Variants in FBN2 observed in about 807,000 individuals in gnomAD.
The protein encoded by FBN2 is fibrillin-2.
In FBN2, 105 loss-of-function variants were observed where a neutral mutation model predicts 355.6. That is an observed-to-expected ratio of 0.30 (90% confidence interval 0.25 to 0.35). FBN2 has a LOEUF of 0.35. FBN2 is among the 10% of genes least tolerant of loss of function. FBN2 has a pLI of 1.00. For missense variants in FBN2, 3,280 were observed against 3,758.7 expected (o/e 0.87, Z 3.33); for synonymous variants, 1,350 against 1,301.2 (o/e 1.04, Z -0.81).
At chr5:128,351,879 T>C (rs1751377855) in intron 20 of FBN2, among the ~76,000 whole-genome samples, 1 of 151,916 alleles carries the variant, frequency 6.6e-6, no homozygotes, top group African/African-American at 2.4e-5. Flanking sequence ...CTTTTTTTTT[T>C]TCTTTTAACA....
At chr5:128,294,117 T>C (rs1008665485) in intron 48 of FBN2, among the ~76,000 whole-genome samples, 1 of 152,170 alleles carries the variant, frequency 6.6e-6, no homozygotes, top group Non-Finnish European at 1.5e-5. Context: ...GATAGTTTAC[T>C]GAGAATGATG....
chr5:128,525,003 C>T (rs1273905647), intron 4 of FBN2, among the ~76,000 whole-genome samples: 1 of 152,136 alleles, frequency 6.6e-6, no homozygotes, highest in Non-Finnish European at 1.5e-5. Flanking sequence ...AAGTCCTTTC[C>T]ATCCCCTGCC....
intron 2 of FBN2, among the ~76,000 whole-genome samples, chr5:128,534,769 G>C (rs151276387): frequency 6.6e-6 from 1 of 152,276 alleles, no homozygotes; most frequent in African/African-American, 2.4e-5. Flanking sequence ...CTGCTCTCTG[G>C]AATTCCCATT....
rs377154283 is a variant in FBN2, at chr5:128,262,205, C to T, written c.8193-298G>A. Among the ~76,000 whole-genome samples, 5 of 152,206 alleles carry T rather than the reference C, an allele frequency of 3.3e-5. No homozygotes were observed. The East Asian group carries it at 7.7e-4, about 24-fold the overall frequency. ...AGCAGGGACAACCGGCACACACCAC[C>T]ACATCCAACTAATTTTTTTTAATTT... is the stretch of plus-strand genomic sequence containing the variant. On this transcript the variant is annotated intron_variant, in intron 63 of 64. Transcript: ENST00000262464.
At chr5:128,494,450 G>T (rs1338955225) in intron 5 of FBN2, among the ~76,000 whole-genome samples, 2 of 152,088 alleles carry the variant, frequency 1.3e-5, no homozygotes, top group African/African-American at 4.8e-5. Flanking sequence ...GGAGTCAGAG[G>T]CTCAAAGGCT....
chr5:128,411,766 C>T (rs918433599), intron 7 of FBN2, among the ~76,000 whole-genome samples: 1 of 152,152 alleles, frequency 6.6e-6, no homozygotes, highest in African/African-American at 2.4e-5. Flanking sequence ...GTGGAGCCCT[C>T]GCCAGGGACC....
intron 41 of FBN2, among the ~76,000 whole-genome samples, chr5:128,308,863 T>C (rs1419040367): frequency 6.6e-6 from 1 of 152,206 alleles, no homozygotes; most frequent in Non-Finnish European, 1.5e-5. Flanking sequence ...TTATTGAATT[T>C]AGTTTTTCTC....
At chr5:128,490,682 A>T (rs1755476244) in intron 5 of FBN2, among the ~76,000 whole-genome samples, 1 of 152,234 alleles carries the variant, frequency 6.6e-6, no homozygotes, top group African/African-American at 2.4e-5. Context: ...ATTTAATTTT[A>T]GAACAAGGAA....
rs145650082 is a variant in FBN2, at chr5:128,343,791, T to C, written c.3343+594A>G. 9.8e-4 allele frequency among the ~76,000 whole-genome samples: 150 copies of C among 152,370 alleles called. 1 individual carries two copies. Among genetic ancestry groups the C allele is most frequent in the African/African-American group, 3.0e-3 (125 of 41,580 alleles). On this transcript the variant is annotated intron_variant, in intron 25 of 64. Coordinates refer to ENST00000262464, the MANE Select transcript of FBN2 (RefSeq NM_001999.4). Reference sequence around the variant, plus strand: ...ATAATTCTTGTGGATTTAATGACTGTATTTCTTTAGTAGTCATATATTTTG... The same window carrying C: ...ATAATTCTTGTGGATTTAATGACTGCATTTCTTTAGTAGTCATATATTTTG...
chr5:128,406,159 C>T (rs980971321), intron 8 of FBN2, among the ~76,000 whole-genome samples: 13 of 152,278 alleles, frequency 8.5e-5, no homozygotes, highest in African/African-American at 2.2e-4. Flanking sequence ...CCCTTATCTG[C>T]GGGGGATACG....
At chr5:128,505,298 G>C (rs6860114) in intron 5 of FBN2, among the ~76,000 whole-genome samples, 75,550 of 151,950 alleles carry the variant, frequency 0.5, 22,039 homozygotes, top group African/African-American at 0.82. Flanking sequence ...TCCCCAAATA[G>C]AAGTCCCAAA....
Position 128,344,351 on chromosome 5 carries a change from G to A in FBN2, c.3343+34C>T, listed in dbSNP as rs570585052. On this transcript the variant is annotated intron_variant, in intron 25 of 64. Transcript: ENST00000262464. ...AAACAGAGTAAAGGAAAGACAGCCA[G>A]AGTTTATCAAATAAAACAGCAGAAC... is the stretch of plus-strand genomic sequence containing the variant. The A allele has an allele frequency of 3.9e-5, 63 of 1,612,226 alleles. No homozygotes were observed. The South Asian group carries it at 5.8e-4, about 15-fold the overall frequency.
At chr5:128,317,412 C>T (rs1750235861) in intron 36 of FBN2, among the ~76,000 whole-genome samples, 2 of 152,132 alleles carry the variant, frequency 1.3e-5, no homozygotes, top group Non-Finnish European at 2.9e-5. Context: ...TTCTCCAAAA[C>T]TTGAAAACAG....
chr5:128,378,552 A>G (rs1233224927), intron 12 of FBN2, among the ~76,000 whole-genome samples: 1 of 152,180 alleles, frequency 6.6e-6, no homozygotes, highest in Non-Finnish European at 1.5e-5. Context: ...AGGAAGGAAG[A>G]TAAACTGAAT....
intron 5 of FBN2, among the ~76,000 whole-genome samples, chr5:128,502,734 G>T (rs1755852213): frequency 6.6e-6 from 1 of 152,098 alleles, no homozygotes; most frequent in Non-Finnish European, 1.5e-5. Flanking sequence ...AATGAGATTA[G>T]GAAGTGGTTT....
chr5:128,446,828 A>C (rs1312284249), intron 6 of FBN2, among the ~76,000 whole-genome samples: 1 of 152,148 alleles, frequency 6.6e-6, no homozygotes, highest in African/African-American at 2.4e-5. Context: ...TCCTTTTAGA[A>C]TTTTGTTTTT....
chr5:128,399,297 TA>T (rs1477819109), intron 8 of FBN2, among the ~76,000 whole-genome samples: 2 of 152,170 alleles, frequency 1.3e-5, no homozygotes, highest in Admixed American at 1.3e-4. Flanking sequence ...AACGGTATTT[TA>T]AAAAAATAAA....
intron 4 of FBN2, among the ~76,000 whole-genome samples, chr5:128,525,807 G>A (rs1235309527): frequency 6.6e-6 from 1 of 152,154 alleles, no homozygotes; most frequent in African/African-American, 2.4e-5. Context: ...CTTTTAAGTA[G>A]TTGAAAAATC....
Position 128,259,370 on chromosome 5 carries a change from T to A in FBN2, c.*85A>T. On this transcript the variant is annotated 3_prime_UTR_variant, in exon 65 of 65. Transcript: ENST00000262464. Reference sequence around the variant, plus strand: ...AAACAAGAGTTATTATTATTTTTCCTCTTTAAAATTAGTCCTTGACTTTTC... The same window carrying A: ...AAACAAGAGTTATTATTATTTTTCCACTTTAAAATTAGTCCTTGACTTTTC... The A allele has an allele frequency of 1.4e-6, 2 of 1,473,870 alleles. No homozygotes were observed. The highest frequency in any genetic ancestry group is 1.9e-6 in the Non-Finnish European group (2 of 1,054,506). The allele number at this position is 1,473,870 out of a possible 1,614,324, so 91.3% of individuals were successfully genotyped here.
Sources: gnomAD v4.1 joint callset for allele counts (sites outside exome capture counted in the v4.1 genomes callset) on GRCh38, gnomAD v4.1.1 for gene constraint, MANE v1.5 for transcripts, NCBI Gene and HGNC (gene_info 2026-07-23, HGNC 2026-07-21) for gene names.